The following FLACC1 variants were observed in gnomAD, a reference collection of about 807,000 sequenced individuals.
The protein encoded by FLACC1 is flagellum-associated coiled-coil domain-containing protein 1.
A neutral mutation model predicts 62.8 loss-of-function variants in FLACC1; 66 were observed. The ratio of observed to expected loss-of-function variants is 1.05; its 90% CI spans 0.86 to 1.29. FLACC1 has a LOEUF of 1.29. Ranked by LOEUF, FLACC1 falls within the 50% of genes most tolerant of loss-of-function variation. The probability of loss-of-function intolerance (pLI) is 0.00; values close to 1 mark genes in which losing one functional copy is unlikely to be tolerated. For synonymous variants in FLACC1, 156 were observed against 161.0 expected, an observed-to-expected ratio of 0.97 and a Z score of 0.24; for missense variants, 452 against 489.1, an observed-to-expected ratio of 0.92 and a Z score of 0.71.
At chr2:201,305,068 C>T (rs893676541) in intron 11 of FLACC1, among the ~76,000 whole-genome samples, 21 of 152,238 alleles carry the variant, frequency 1.4e-4, no homozygotes, top group African/African-American at 4.8e-4. Flanking sequence ...GCAACAAAAG[C>T]CAAAATTGAC....
chr2:201,293,493 T>C (rs1274862583), intron 12 of FLACC1, among the ~76,000 whole-genome samples: 1 of 152,162 alleles, frequency 6.6e-6, no homozygotes. Context: ...AGACACAACA[T>C]ACCAGAATCT....
chr2:201,307,136 G>T (rs749832607), intron 11 of FLACC1, among the ~76,000 whole-genome samples: 3 of 152,172 alleles, frequency 2.0e-5, no homozygotes, highest in Non-Finnish European at 4.4e-5. Context: ...TTCCCATAAA[G>T]TTAAACCTGT....
intron 9 of FLACC1, among the ~76,000 whole-genome samples, chr2:201,323,958 C>T (rs762115500): frequency 4.6e-5 from 7 of 151,804 alleles, no homozygotes; most frequent in Non-Finnish European, 1.0e-4. Context: ...AAAAGAAAAG[C>T]TATATACATA....
rs534573594 is a variant in FLACC1 at position 201,331,871 on chromosome 2, T to C, written c.525-1038A>G. On this transcript the variant is annotated intron_variant, in intron 7 of 14. Coordinates refer to ENST00000392257, the MANE Select transcript of FLACC1 (RefSeq NM_001127391.3). ...AACTATGAACTCTGGGTGATAATGA[T>C]GTGTCAATATAGGTTCATTGATTAT... 2.4e-4 allele frequency among the ~76,000 whole-genome samples: 36 copies of C among 152,344 alleles called. No individual in the cohort carries two copies. The South Asian group carries it at 6.8e-3, about 29-fold the overall frequency.
At chr2:201,306,192 G>T (rs1054664600) in intron 11 of FLACC1, among the ~76,000 whole-genome samples, 1 of 152,114 alleles carries the variant, frequency 6.6e-6, no homozygotes, top group African/African-American at 2.4e-5. Flanking sequence ...ATGGCAGAAG[G>T]TAAAGAGGAA....
chr2:201,288,775 C>T lies in FLACC1; in HGVS notation c.1149G>A (p.Lys383=), dbSNP rs940219888. The T allele has an allele frequency of 6.2e-7, 1 of 1,613,346 alleles. No homozygotes were observed. Among genetic ancestry groups the T allele is most frequent in the African/African-American group, 1.3e-5 (1 of 75,026 alleles). ...AAATTTCTTCATTCTTAGAAATTAT[C>T]TTTTGCCTGTAAAAAGAAAGGAAAG... ...LTEENIHLKQ[K]IISKNEEICE... The change falls in exon 15 of 15, where the codon AAG becomes AAA. Residue 383 remains lysine, a synonymous_variant. Coordinates refer to ENST00000392257, the MANE Select transcript of FLACC1 (RefSeq NM_001127391.3).
intron 3 of FLACC1, among the ~76,000 whole-genome samples, chr2:201,348,670 T>C (rs1019291319): frequency 6.6e-6 from 1 of 151,336 alleles, no homozygotes; most frequent in Non-Finnish European, 1.5e-5. Context: ...ACACACTCAG[T>C]TCAGGGAACT....
intron 8 of FLACC1, 76 bp from the exon 9 acceptor site, chr2:201,330,598 C>A: frequency 1.3e-6 from 2 of 1,549,496 alleles, no homozygotes; most frequent in Non-Finnish European, 8.9e-7. Context: ...GTGAGTTCTT[C>A]TGCACACCTT....
chr2:201,290,649 G>A (rs1445750269), intron 12 of FLACC1, among the ~76,000 whole-genome samples: 1 of 152,170 alleles, frequency 6.6e-6, no homozygotes, highest in African/African-American at 2.4e-5. Context: ...GAGGTATCGT[G>A]TTCATCTCAC....
chr2:201,348,086 G>T, intron 4 of FLACC1, 168 bp downstream of exon 4: 2 of 581,528 alleles, frequency 3.4e-6, no homozygotes, highest in Non-Finnish European at 5.7e-6. Flanking sequence ...TCAAGTCGTG[G>T]TTCTTCCACT....
intron 9 of FLACC1, among the ~76,000 whole-genome samples, chr2:201,322,486 T>C (rs141397974): frequency 6.6e-6 from 1 of 152,112 alleles, no homozygotes; most frequent in Non-Finnish European, 1.5e-5. Context: ...TCTTCACCCC[T>C]GAAAGCACCA....
chr2:201,306,208 C>A (rs1364294700), intron 11 of FLACC1, among the ~76,000 whole-genome samples: 1 of 151,964 alleles, frequency 6.6e-6, no homozygotes, highest in African/African-American at 2.4e-5. Context: ...AGGAAGGAGG[C>A]CTGTCTTACA....
At chr2:201,320,755 G>C (rs1238370030) in intron 9 of FLACC1, among the ~76,000 whole-genome samples, 1 of 152,184 alleles carries the variant, frequency 6.6e-6, no homozygotes, top group Non-Finnish European at 1.5e-5. Context: ...CACCTGCCCT[G>C]GTAGTTTAAC....
chr2:201,351,357 G>A lies in FLACC1; in HGVS notation c.48C>T (p.Asn16=). ...LIYCTCWDPW[N]LGPRKLIKTP... is the part of the protein sequence containing the mutation. ...TCTTGATTAGCTTCCGTGGTCCCAA[G>A]TTCCAGGGGTCCCAGCAGGTGCAGT... The change falls in exon 2 of 15, where the codon AAC becomes AAT. Residue 16 remains asparagine, a synonymous_variant. Coordinates refer to ENST00000392257, the MANE Select transcript of FLACC1 (RefSeq NM_001127391.3). 6.2e-7 allele frequency: 1 copy of A among 1,614,166 alleles called. No homozygotes were observed.
At chr2:201,303,274 AACT>A (rs1174218244) in intron 11 of FLACC1, among the ~76,000 whole-genome samples, 1 of 152,226 alleles carries the variant, frequency 6.6e-6, no homozygotes, top group Non-Finnish European at 1.5e-5. Flanking sequence ...CAGAGATACA[AACT>A]ACCATCAGAG....
Position 201,346,541 on chromosome 2 carries a change from C to T in FLACC1, c.368+1G>A, listed in dbSNP as rs746062311. 11 of 1,613,792 alleles carry T rather than the reference C, an allele frequency of 6.8e-6. No homozygotes were observed. The highest frequency in any genetic ancestry group is 1.7e-5 in the Admixed American group (1 of 60,024). On this transcript the variant is annotated splice_donor_variant, in intron 5 of 14. Coordinates refer to ENST00000392257, the MANE Select transcript of FLACC1 (RefSeq NM_001127391.3). LOFTEE classifies it high-confidence loss of function. The surrounding 1 kb of genome is among the most constrained non-coding windows in gnomAD (Gnocchi z 4.0). Reference sequence around the variant, plus strand: ...GCTGCATGTTGCTGCAACAGCATTACCTGGAAAATCTGCCTTTGTCCGGGA... The same window carrying T: ...GCTGCATGTTGCTGCAACAGCATTATCTGGAAAATCTGCCTTTGTCCGGGA...
intron 9 of FLACC1, among the ~76,000 whole-genome samples, chr2:201,318,209 A>G (rs1576440433): frequency 6.6e-6 from 1 of 152,268 alleles, no homozygotes; most frequent in East Asian, 1.9e-4. Context: ...TACCAAGAAC[A>G]CAAAAGCAAA....
intron 7 of FLACC1, among the ~76,000 whole-genome samples, chr2:201,337,687 C>T (rs1184802409): frequency 1.3e-5 from 2 of 152,074 alleles, no homozygotes; most frequent in East Asian, 1.9e-4. Context: ...TAATACCTGG[C>T]TAATTTTTAA....
Position 201,326,652 on chromosome 2 carries a change from C to A in FLACC1, c.675+3818G>T, listed in dbSNP as rs1332712111. On this transcript the variant is annotated intron_variant, in intron 9 of 14. Transcript: ENST00000392257. This position sits in a 1 kb window ranked among gnomAD's most constrained non-coding sequence, Gnocchi z 4.1. ...CTACAAGGAGAACTATAAAACACAG[C>A]TGAAAGAAGTAATAGGTTATACAAA... Among the ~76,000 whole-genome samples, 4 of 152,114 alleles carry A rather than the reference C, an allele frequency of 2.6e-5. No homozygotes were observed. Among genetic ancestry groups the A allele is most frequent in the Non-Finnish European group, 2.9e-5 (2 of 68,024 alleles).
Sources: allele counts gnomAD v4.1 joint callset (sites outside exome capture counted in the v4.1 genomes callset), GRCh38; gene constraint gnomAD v4.1.1; non-coding constraint Gnocchi (gnomAD v3.1); transcripts MANE v1.5; gene names NCBI Gene and HGNC (gene_info 2026-07-23, HGNC 2026-07-21).